Variants in DRGX observed in about 807,000 individuals in gnomAD.
DRGX encodes the protein dorsal root ganglia homeobox.
Under a neutral mutation model 28.6 loss-of-function variants are expected in DRGX, and 21 were observed. The observed-to-expected ratio is 0.73, with a 90% CI of 0.52 to 1.06. The LOEUF is 1.06. DRGX is among the 50% of genes least tolerant of loss of function. DRGX has a pLI of 0.00. For synonymous variants in DRGX, 136 were observed against 139.1 expected, an observed-to-expected ratio of 0.98 and a Z score of 0.16; for missense variants, 354 against 343.9, an observed-to-expected ratio of 1.03 and a Z score of -0.23.
intron 6 of DRGX, among the ~76,000 whole-genome samples, chr10:49,370,858 C>T (rs1187160169): frequency 2.0e-5 from 3 of 152,228 alleles, no homozygotes; most frequent in African/African-American, 4.8e-5. Flanking sequence ...TACGACTTCA[C>T]AGTAACTTCA....
At chr10:49,390,507 TATTGTC>T (rs1849890841) in intron 3 of DRGX, among the ~76,000 whole-genome samples, 2 of 152,186 alleles carry the variant, frequency 1.3e-5, no homozygotes, top group African/African-American at 2.4e-5. Context: ...TACATTTAAG[TATTGTC>T]ATAGGAATCA....
intron 2 of DRGX, among the ~76,000 whole-genome samples, 177 bp downstream of exon 2, chr10:49,395,230 G>C (rs1849953302): frequency 6.6e-6 from 1 of 152,132 alleles, no homozygotes; most frequent in Non-Finnish European, 1.5e-5. Flanking sequence ...GGGGCGGGGA[G>C]CTGGAGCGGG....
chr10:49,389,206 T>C (rs1257134164), intron 4 of DRGX, among the ~76,000 whole-genome samples: 3 of 152,212 alleles, frequency 2.0e-5, no homozygotes, highest in Admixed American at 1.3e-4. Flanking sequence ...AATCTGATTA[T>C]AGGGGAAATA....
intron 6 of DRGX, among the ~76,000 whole-genome samples, chr10:49,379,911 T>C (rs61848637): frequency 0.069 from 10,576 of 152,240 alleles, 446 homozygotes; most frequent in Middle Eastern, 0.15. Context: ...CCCACACTCC[T>C]CCCAGCCTGG....
chr10:49,371,598 C>T (rs1335145583), intron 6 of DRGX, among the ~76,000 whole-genome samples: 1 of 152,022 alleles, frequency 6.6e-6, no homozygotes, highest in Non-Finnish European at 1.5e-5. Context: ...TCAAGACCAG[C>T]CTGGTCAACA....
At position 49,381,895 on chromosome 10, in the gene DRGX, G is replaced by A. The variant is rs1056711032; in HGVS notation, c.526+4583C>T. Among the ~76,000 whole-genome samples the A allele has an allele frequency of 2.6e-5, 4 of 152,204 alleles. 1 individual carries two copies. Among genetic ancestry groups the A allele is most frequent in the Admixed American group, 2.6e-4 (4 of 15,290 alleles). On this transcript the variant is annotated intron_variant, in intron 6 of 6. Coordinates refer to ENST00000374139, the MANE Select transcript of DRGX (RefSeq NM_001276451.2). ...TAAGACCACAAAGCCTGGGGAAGGAGACTAGCACTGATTTGGGTCTGGGAG... is the reference window on the plus strand; with the variant it reads ...TAAGACCACAAAGCCTGGGGAAGGAAACTAGCACTGATTTGGGTCTGGGAG...
rs200413142 is a variant in DRGX at position 49,386,801 on chromosome 10, G to C, written c.292C>G (p.Gln98Glu). 6.6e-5 allele frequency: 106 copies of C among 1,603,354 alleles called. No individual in the cohort carries two copies. Among genetic ancestry groups the C allele is most frequent in the Non-Finnish European group, 8.8e-5 (103 of 1,175,886 alleles). Reference sequence around the variant, plus strand: ...ATGGGCTCCTTGGCTCCTGGCTCCTGGTCTGAGGCCCCTCTCTCTGTCTTC... The same window carrying C: ...ATGGGCTCCTTGGCTCCTGGCTCCTCGTCTGAGGCCCCTCTCTCTGTCTTC... ...WRKTERGASDQEPGAKEPMAE... is the reference protein window; with the variant it reads ...WRKTERGASDEEPGAKEPMAE... The change falls in exon 5 of 7, where the codon CAG becomes GAG. Residue 98 changes from glutamine (Q) to glutamate (E), a missense_variant. Gln to Glu is a conservative substitution (Grantham distance 29, BLOSUM62 2). Transcript: ENST00000374139.
intron 2 of DRGX, among the ~76,000 whole-genome samples, chr10:49,393,377 T>A (rs903691884): frequency 5.3e-5 from 8 of 152,046 alleles, no homozygotes; most frequent in Admixed American, 3.9e-4. Flanking sequence ...CTTGAAGGAA[T>A]CACAAAAAAA....
At chr10:49,394,345 C>A (rs1849942506) in intron 2 of DRGX, among the ~76,000 whole-genome samples, 1 of 152,218 alleles carries the variant, frequency 6.6e-6, no homozygotes, top group Non-Finnish European at 1.5e-5. Flanking sequence ...GACTGACAAG[C>A]ATCACCTGAA....
At chr10:49,381,306 C>T (rs750224052) in intron 6 of DRGX, among the ~76,000 whole-genome samples, 2 of 152,242 alleles carry the variant, frequency 1.3e-5, no homozygotes, top group Non-Finnish European at 2.9e-5. Flanking sequence ...CACACCTGCA[C>T]CTGTGGACAC....
rs775944524 is a variant in DRGX at position 49,366,141 on chromosome 10, T to A, written c.767A>T (p.Gln256Leu). 1.9e-6 allele frequency: 3 copies of A among 1,605,388 alleles called. No homozygotes were observed. Among genetic ancestry groups the A allele is most frequent in the Middle Eastern group, 1.7e-4 (1 of 6,000 alleles). The change falls in exon 7 of 7, where the codon CAG becomes CTG. Residue 256 changes from glutamine (Q) to leucine (L), a missense_variant. Physicochemically the swap from Gln to Leu is moderately radical, Grantham distance 113 (BLOSUM62 -2). Coordinates refer to ENST00000374139, the MANE Select transcript of DRGX (RefSeq NM_001276451.2). ...SQEKTSPTKE[Q>L]SEAEKSV ...TCATACACTCTTCTCTGCCTCGCTC[T>A]GTTCCTTGGTGGGAGAGGTCTTTTC...
chr10:49,393,594 AG>A (rs1200238780), intron 2 of DRGX, among the ~76,000 whole-genome samples: 1 of 152,248 alleles, frequency 6.6e-6, no homozygotes, highest in Non-Finnish European at 1.5e-5. Flanking sequence ...AAAATAAAAA[AG>A]ATGATAGGCT....
At chr10:49,389,095 T>C (rs781046170) in intron 4 of DRGX, among the ~76,000 whole-genome samples, 30 of 152,322 alleles carry the variant, frequency 2.0e-4, no homozygotes, top group Non-Finnish European at 3.7e-4. Flanking sequence ...GGATAGACGG[T>C]ATCCTGGCCA....
At chr10:49,380,710 A>G (rs1377991089) in intron 6 of DRGX, among the ~76,000 whole-genome samples, 1 of 152,256 alleles carries the variant, frequency 6.6e-6, no homozygotes, top group Non-Finnish European at 1.5e-5. Context: ...AATTGGAGCA[A>G]CAAGGATTAC....
Position 49,395,497 on chromosome 10 carries a change from A to C in DRGX, c.-57T>G, listed in dbSNP as rs1564711148. 1.0e-5 allele frequency: 16 copies of C among 1,540,928 alleles called. No homozygotes were observed. The highest frequency in any genetic ancestry group is 1.7e-4 in the Middle Eastern group (1 of 5,974). On this transcript the variant is annotated 5_prime_UTR_variant, in exon 2 of 7. Coordinates refer to ENST00000374139, the MANE Select transcript of DRGX (RefSeq NM_001276451.2). Reference sequence around the variant, plus strand: ...ACCTGGGAGGGTGGCAGCAGAACGGACCCGCGCGCGTTGCTCCTGCCTGGC... The same window carrying C: ...ACCTGGGAGGGTGGCAGCAGAACGGCCCCGCGCGCGTTGCTCCTGCCTGGC...
chr10:49,384,077 ACCCGAATCTGAGGGTGC>A (rs1312656526), intron 6 of DRGX, among the ~76,000 whole-genome samples: 2 of 152,184 alleles, frequency 1.3e-5, no homozygotes, highest in Admixed American at 1.3e-4. Flanking sequence ...CCTCTGCCCA[ACCCGAATCTGAGGGTGC>A]CCCCAGCATG....
intron 5 of DRGX, 28 bp from the exon 6 acceptor site, chr10:49,386,618 G>T: frequency 6.3e-7 from 1 of 1,592,030 alleles, no homozygotes. Context: ...TCATATTGAG[G>T]TCTCGCCCTG....
chr10:49,381,812 C>A (rs546060363), intron 6 of DRGX, among the ~76,000 whole-genome samples: 2 of 152,328 alleles, frequency 1.3e-5, no homozygotes, highest in African/African-American at 4.8e-5. Context: ...TGGGCCCGAA[C>A]CTCCGTGGCC....
At position 49,371,209 on chromosome 10, in the gene DRGX, CA is replaced by C. The variant is rs141600627; in HGVS notation, c.527-4829del. On this transcript the variant is annotated intron_variant, in intron 6 of 6. Coordinates refer to ENST00000374139, the MANE Select transcript of DRGX (RefSeq NM_001276451.2). ...TGACAGTATCAATATGCCGCCTGCA[CA>C]AACAACTTCATGGACCCTGAACACT... is the stretch of plus-strand genomic sequence containing the variant. 3.3e-3 allele frequency among the ~76,000 whole-genome samples: 510 copies of C among 152,306 alleles called. 2 individuals are homozygous for C. The highest frequency in any genetic ancestry group is 0.012 in the African/African-American group (492 of 41,576).
Sources: gnomAD v4.1 joint callset for allele counts (sites outside exome capture counted in the v4.1 genomes callset) on GRCh38, gnomAD v4.1.1 for gene constraint, MANE v1.5 for transcripts, NCBI Gene and HGNC (gene_info 2026-07-23, HGNC 2026-07-21) for gene names.